The following CFHR4 variants were observed in gnomAD, a reference collection of about 807,000 sequenced individuals.
CFHR4 encodes complement factor H-related protein 4.
A neutral mutation model predicts 69.3 loss-of-function variants in CFHR4; 64 were observed. The observed-to-expected ratio is 0.92, with a 90% CI of 0.76 to 1.14. The LOEUF (loss-of-function observed/expected upper bound fraction) is 1.14, where lower values mean the gene tolerates loss of function less well. Ranked by LOEUF, CFHR4 falls within the 50% of genes most tolerant of loss-of-function variation. CFHR4 has a pLI of 0.00. For synonymous variants in CFHR4, 244 were observed against 237.0 expected, an observed-to-expected ratio of 1.03 and a Z score of -0.27; for missense variants, 636 against 684.9, an observed-to-expected ratio of 0.93 and a Z score of 0.80.
At position 196,889,324 on chromosome 1, in the gene CFHR4, A is replaced by G. The variant is rs969046366; in HGVS notation, c.58+1116A>G. Among the ~76,000 whole-genome samples the G allele has an allele frequency of 3.3e-5, 5 of 151,716 alleles. 1 individual carries two copies. Among genetic ancestry groups the G allele is most frequent in the Admixed American group, 3.3e-4 (5 of 15,214 alleles). On this transcript the variant is annotated intron_variant, in intron 1 of 9. Coordinates refer to ENST00000608469, the MANE Select transcript of CFHR4 (RefSeq NM_001201550.3). ...TGAAAAAAAAGGAATTTCTCTTGTT[A>G]TTCCCTTTGTTAACTAAACTGCTAC...
chr1:196,888,706 A>G (rs1656862673), intron 1 of CFHR4, among the ~76,000 whole-genome samples: 1 of 151,302 alleles, frequency 6.6e-6, no homozygotes. Flanking sequence ...TGCTACATCT[A>G]ATTAACATTA....
chr1:196,896,998 C>T (rs571401396), intron 1 of CFHR4, among the ~76,000 whole-genome samples: 3 of 151,576 alleles, frequency 2.0e-5, no homozygotes, highest in Admixed American at 6.6e-5. Context: ...CTGCACTCAT[C>T]ATTTACATTA....
At chr1:196,910,580 C>G (rs1439145883) in intron 6 of CFHR4, 102 bp downstream of exon 6, 3 of 963,534 alleles carry the variant, frequency 3.1e-6, no homozygotes, top group Admixed American at 2.3e-5. Flanking sequence ...AGAGATGGTA[C>G]CAAAGGAAGA....
chr1:196,908,576 T>A (rs1345581047), intron 5 of CFHR4, among the ~76,000 whole-genome samples: 1 of 151,464 alleles, frequency 6.6e-6, no homozygotes, highest in Non-Finnish European at 1.5e-5. Context: ...GTAATACAGG[T>A]ATACTCTTAG....
intron 6 of CFHR4, among the ~76,000 whole-genome samples, chr1:196,911,791 T>C (rs1486433911): frequency 6.6e-6 from 1 of 151,448 alleles, no homozygotes; most frequent in Non-Finnish European, 1.5e-5. Flanking sequence ...CTAATAAATA[T>C]TGTTGTGTGT....
intron 1 of CFHR4, 25 bp from the exon 2 acceptor site, chr1:196,902,393 A>G: frequency 6.9e-7 from 1 of 1,445,690 alleles, no homozygotes; most frequent in Non-Finnish European, 9.6e-7. Flanking sequence ...CATTATTTAT[A>G]CTGTTTTTTG....
chr1:196,901,472 T>C (rs942546948), intron 1 of CFHR4, among the ~76,000 whole-genome samples: 1 of 151,322 alleles, frequency 6.6e-6, no homozygotes, highest in African/African-American at 2.4e-5. Flanking sequence ...GACTAAAGAA[T>C]AATGGAGATA....
intron 8 of CFHR4, 82 bp downstream of exon 8, chr1:196,914,753 G>A: frequency 1.1e-5 from 15 of 1,339,536 alleles, no homozygotes; most frequent in Middle Eastern, 2.7e-4. Flanking sequence ...ACATATGTGT[G>A]TACATATATG....
At chr1:196,908,397 T>C (rs1032153960) in intron 5 of CFHR4, among the ~76,000 whole-genome samples, 4 of 151,542 alleles carry the variant, frequency 2.6e-5, no homozygotes, top group African/African-American at 9.7e-5. Flanking sequence ...AGAAGTTCTT[T>C]CTCTGATTAT....
rs1658790347 is a variant in CFHR4 at position 196,918,514 on chromosome 1, A to C, written c.*108A>C. 8.9e-7 allele frequency: 1 copy of C among 1,125,394 alleles called. No homozygotes were observed. The highest frequency in any genetic ancestry group is 1.3e-6 in the Non-Finnish European group (1 of 762,188). 69.7% of individuals were successfully genotyped at this position (1,125,394 alleles called of 1,614,324 possible). A position where few individuals can be genotyped will look rare whatever the true frequency, so the allele number is the denominator to read the frequency against. On this transcript the variant is annotated 3_prime_UTR_variant, in exon 10 of 10. Coordinates refer to ENST00000608469, the MANE Select transcript of CFHR4 (RefSeq NM_001201550.3). Reference sequence around the variant, plus strand: ...ATTGTTGTAATTTCTACTTTATTTCAAAGAAAATTAATATAATAGTTTCAA... The same window carrying C: ...ATTGTTGTAATTTCTACTTTATTTCCAAGAAAATTAATATAATAGTTTCAA...
intron 2 of CFHR4, among the ~76,000 whole-genome samples, chr1:196,904,309 A>G (rs1657781540): frequency 1.3e-5 from 2 of 151,688 alleles, no homozygotes; most frequent in Admixed American, 6.6e-5. Context: ...ACTCATGATT[A>G]TGACAAATGC....
intron 1 of CFHR4, 83 bp from the exon 2 acceptor site, chr1:196,902,335 T>G: frequency 1.0e-6 from 1 of 987,968 alleles, no homozygotes; most frequent in Non-Finnish European, 1.5e-6. Flanking sequence ...GAAGAGAATA[T>G]AATTTATTGA....
Position 196,907,349 on chromosome 1 carries a change from T to C in CFHR4, c.650T>C (p.Ile217Thr), listed in dbSNP as rs1479976124. Residue 217 changes from isoleucine to threonine, a missense_variant, in exon 5 of 10, where the codon ATT becomes ACT. Coordinates refer to ENST00000608469, the MANE Select transcript of CFHR4 (RefSeq NM_001201550.3). ...SSENCGPPPPISNGDTTSFPQ... is the reference protein window; with the variant it reads ...SSENCGPPPPTSNGDTTSFPQ... Reference sequence around the variant, plus strand: ...GAAAACTGTGGGCCTCCTCCACCTATTAGCAATGGAGATACCACGTCCTTC... The same window carrying C: ...GAAAACTGTGGGCCTCCTCCACCTACTAGCAATGGAGATACCACGTCCTTC... 1.9e-6 allele frequency: 3 copies of C among 1,611,886 alleles called. No individual in the cohort carries two copies. The highest frequency in any genetic ancestry group is 2.7e-5 in the African/African-American group (2 of 74,302).
intron 1 of CFHR4, among the ~76,000 whole-genome samples, chr1:196,899,771 T>C (rs562927801): frequency 6.6e-6 from 1 of 151,686 alleles, no homozygotes; most frequent in South Asian, 2.1e-4. Flanking sequence ...TCTGCAAAAG[T>C]ATTTCGCAAG....
chr1:196,894,999 A>G (rs1657217837), intron 1 of CFHR4, among the ~76,000 whole-genome samples: 1 of 151,502 alleles, frequency 6.6e-6, no homozygotes, highest in Admixed American at 6.6e-5. Flanking sequence ...GGTCGAGGCT[A>G]CAGTAAGGTG....
At chr1:196,893,037 T>G (rs922006824) in intron 1 of CFHR4, among the ~76,000 whole-genome samples, 4 of 151,516 alleles carry the variant, frequency 2.6e-5, no homozygotes, top group Non-Finnish European at 5.9e-5. Flanking sequence ...GGAAATGGTG[T>G]TTTTCAGTGT....
At chr1:196,896,215 C>T (rs1026171365) in intron 1 of CFHR4, among the ~76,000 whole-genome samples, 1 of 150,574 alleles carries the variant, frequency 6.6e-6, no homozygotes, top group African/African-American at 2.5e-5. Flanking sequence ...GGGCTTCCTG[C>T]ATTGTTTTCA....
At chr1:196,903,047 A>AT (rs1244233900) in intron 2 of CFHR4, among the ~76,000 whole-genome samples, 1 of 151,404 alleles carries the variant, frequency 6.6e-6, no homozygotes, top group Non-Finnish European at 1.5e-5. Flanking sequence ...CCTTAGGACA[A>AT]TGTATTTTCA....
chr1:196,917,233 A>T lies in CFHR4; in HGVS notation c.1541-977A>T, dbSNP rs560830271. Among the ~76,000 whole-genome samples, 5 of 152,018 alleles carry T rather than the reference A, an allele frequency of 3.3e-5. 1 individual carries two copies. Among genetic ancestry groups the T allele is most frequent in the African/African-American group, 1.2e-4 (5 of 41,440 alleles). ...TAGAATGCAGAATACTTGAGTCAAA[A>T]GAAGAGATAGGTGAGTGAATGATAT... On this transcript the variant is annotated intron_variant, in intron 9 of 9. Coordinates refer to ENST00000608469, the MANE Select transcript of CFHR4 (RefSeq NM_001201550.3).
Sources: gnomAD v4.1 joint callset for allele counts (sites outside exome capture counted in the v4.1 genomes callset) on GRCh38, gnomAD v4.1.1 for gene constraint, MANE v1.5 for transcripts, NCBI Gene and HGNC (gene_info 2026-07-23, HGNC 2026-07-21) for gene names.